Variants in CNTN6 observed in about 807,000 individuals in gnomAD.
CNTN6 encodes contactin 6, also known as contactin-6.
Under a neutral mutation model 122.8 loss-of-function variants are expected in CNTN6, and 137 were observed. The observed-to-expected ratio is 1.12, with a 90% confidence interval of 0.97 to 1.29. The LOEUF (loss-of-function observed/expected upper bound fraction) is 1.29, where lower values mean the gene tolerates loss of function less well. Among genes scored for constraint, CNTN6 ranks in the 50% most tolerant of loss-of-function variants. The pLI, the probability that CNTN6 is intolerant of heterozygous loss-of-function variation, is 0.00. For missense variants in CNTN6, 1,634 were observed against 1,223.4 expected, an observed-to-expected ratio of 1.34 and a Z score of -5.01; for synonymous variants, 570 against 426.0, an observed-to-expected ratio of 1.34 and a Z score of -4.16.
chr3:1,111,297 T>C (rs1354936899), intron 1 of CNTN6, among the ~76,000 whole-genome samples: 2 of 152,160 alleles, frequency 1.3e-5, no homozygotes, highest in Non-Finnish European at 2.9e-5. Flanking sequence ...TTAGTAACAA[T>C]CACAACAAGA....
chr3:1,389,324 T>A (rs947660899), intron 20 of CNTN6, among the ~76,000 whole-genome samples: 34 of 151,770 alleles, frequency 2.2e-4, no homozygotes, highest in African/African-American at 8.0e-4. Flanking sequence ...GCTTCATAAG[T>A]GAAGGAGAAA....
chr3:1,283,856 C>A (rs529419141), intron 5 of CNTN6, among the ~76,000 whole-genome samples: 129 of 152,096 alleles, frequency 8.5e-4, no homozygotes, highest in Non-Finnish European at 1.6e-3. Context: ...AAAAATTAGC[C>A]GGGTGTGGTG....
At chr3:1,142,541 T>C (rs573065653) in intron 1 of CNTN6, among the ~76,000 whole-genome samples, 1 of 152,234 alleles carries the variant, frequency 6.6e-6, no homozygotes, top group South Asian at 2.1e-4. Context: ...CAGCCAAATA[T>C]ATTTTAGAGT....
At chr3:1,382,532 T>A (rs565120264) in intron 17 of CNTN6, among the ~76,000 whole-genome samples, 4 of 152,242 alleles carry the variant, frequency 2.6e-5, no homozygotes, top group Admixed American at 6.5e-5. Flanking sequence ...TACAAAAACT[T>A]GTTTAAAATG....
chr3:1,245,225 TATATATATATAC>T (rs1217300440), intron 4 of CNTN6, among the ~76,000 whole-genome samples: 460 of 17,198 alleles, frequency 0.027, 91 homozygotes, highest in African/African-American at 0.1. Flanking sequence ...TATATATATA[TATATATATATAC>T]ACACACACAT....
chr3:1,280,215 A>C (rs757526120), intron 5 of CNTN6, among the ~76,000 whole-genome samples: 32 of 152,144 alleles, frequency 2.1e-4, no homozygotes, highest in Non-Finnish European at 3.7e-4. Context: ...TCAGTTCCAT[A>C]TGTAAAAAAA....
intron 16 of CNTN6, among the ~76,000 whole-genome samples, chr3:1,374,857 G>A (rs1030459088): frequency 6.6e-6 from 1 of 152,030 alleles, no homozygotes; most frequent in South Asian, 2.1e-4. Context: ...TAAAGATAAT[G>A]TTATATGTTT....
intron 7 of CNTN6, among the ~76,000 whole-genome samples, chr3:1,319,453 G>A (rs571015892): frequency 6.6e-6 from 1 of 151,654 alleles, no homozygotes; most frequent in South Asian, 2.1e-4. Flanking sequence ...TGCATATAAG[G>A]TAGCTATTTG....
intron 17 of CNTN6, among the ~76,000 whole-genome samples, chr3:1,380,193 T>C (rs1033751491): frequency 6.6e-6 from 1 of 152,168 alleles, no homozygotes; most frequent in Non-Finnish European, 1.5e-5. Flanking sequence ...GACACAAGAC[T>C]GTTCTAAGTT....
intron 11 of CNTN6, among the ~76,000 whole-genome samples, chr3:1,333,292 A>G (rs10510170): frequency 0.067 from 10,232 of 152,106 alleles, 441 homozygotes; most frequent in Middle Eastern, 0.1. Context: ...AGCACTAGAG[A>G]TAATGTATCC....
At chr3:1,281,748 T>G (rs1693484963) in intron 5 of CNTN6, among the ~76,000 whole-genome samples, 1 of 152,102 alleles carries the variant, frequency 6.6e-6, no homozygotes, top group South Asian at 2.1e-4. Flanking sequence ...AAGGCTGAAA[T>G]TTTACATCAA....
At chr3:1,260,270 T>G (rs1213439746) in intron 4 of CNTN6, among the ~76,000 whole-genome samples, 2 of 152,150 alleles carry the variant, frequency 1.3e-5, no homozygotes, top group East Asian at 3.9e-4. Context: ...CGGGAGTCAA[T>G]TGCCTGTGTG....
intron 3 of CNTN6, among the ~76,000 whole-genome samples, chr3:1,224,666 C>G (rs900410237): frequency 6.6e-6 from 1 of 152,098 alleles, no homozygotes; most frequent in Non-Finnish European, 1.5e-5. Flanking sequence ...CAGGCACAAG[C>G]GCGCACACAT....
chr3:1,290,516 G>T (rs1695149631), intron 5 of CNTN6, among the ~76,000 whole-genome samples: 2 of 152,180 alleles, frequency 1.3e-5, no homozygotes, highest in Non-Finnish European at 1.5e-5. Context: ...GAAAGCTATT[G>T]TTATGGGAAA....
Position 1,373,779 on chromosome 3 carries a change from T to C in CNTN6, c.1945+17T>C. On this transcript the variant is annotated intron_variant, in intron 15 of 22. Transcript: ENST00000446702. ...TTGCTACAGGTGAGTGACAAAAGTG[T>C]TTTGGGTCACTTTAAAAATAATATT... 2 of 1,566,916 alleles carry C rather than the reference T, an allele frequency of 1.3e-6. No individual in the cohort carries two copies. Among genetic ancestry groups the C allele is most frequent in the Non-Finnish European group, 1.7e-6 (2 of 1,159,270 alleles).
intron 5 of CNTN6, among the ~76,000 whole-genome samples, chr3:1,289,201 A>G (rs963691976): frequency 6.6e-5 from 10 of 152,094 alleles, no homozygotes; most frequent in Admixed American, 5.2e-4. Flanking sequence ...TTCCCCATTG[A>G]AAGATACACA....
chr3:1,360,830 C>G (rs977951921), intron 12 of CNTN6, among the ~76,000 whole-genome samples: 3 of 152,086 alleles, frequency 2.0e-5, no homozygotes, highest in African/African-American at 7.2e-5. Flanking sequence ...ATTCTTACTC[C>G]CCAAACTTGT....
At chr3:1,099,651 C>A (rs1254114096) in intron 1 of CNTN6, among the ~76,000 whole-genome samples, 1 of 152,024 alleles carries the variant, frequency 6.6e-6, no homozygotes, top group African/African-American at 2.4e-5. Flanking sequence ...ATATCAAGTC[C>A]GTGCTGCATG....
intron 7 of CNTN6, among the ~76,000 whole-genome samples, chr3:1,317,860 G>T (rs1452945706): frequency 6.7e-6 from 1 of 149,586 alleles, no homozygotes; most frequent in Non-Finnish European, 1.5e-5. Context: ...GGAGGATTGG[G>T]CTTTGTAAGG....
Sources: allele counts gnomAD v4.1 joint callset (sites outside exome capture counted in the v4.1 genomes callset), GRCh38; gene constraint gnomAD v4.1.1; transcripts MANE v1.5; gene names NCBI Gene and HGNC (gene_info 2026-07-23, HGNC 2026-07-21).